Variants in CWC25 observed in about 807,000 individuals in gnomAD.
CWC25 encodes CWC25 spliceosome associated protein.
In CWC25, 31 loss-of-function variants were observed where a neutral mutation model predicts 54.6. The observed-to-expected ratio is 0.57, with a 90% confidence interval of 0.43 to 0.77. CWC25 has a LOEUF of 0.77. Among genes scored for constraint, CWC25 ranks in the 30% least tolerant of loss-of-function variants. CWC25 has a pLI of 0.00. For missense variants in CWC25, 453 were observed against 529.3 expected (o/e 0.86, Z 1.41); for synonymous variants, 151 against 187.0 (o/e 0.81, Z 1.57).
chr17:38,810,256 T>G, intron 5 of CWC25: 1 of 568,948 alleles, frequency 1.8e-6, no homozygotes, highest in East Asian at 3.1e-5. Flanking sequence ...TCCAGCAGCA[T>G]GGCCAAGATA....
intron 5 of CWC25, 34 bp downstream of exon 5, chr17:38,810,434 C>A: frequency 6.7e-7 from 1 of 1,503,348 alleles, no homozygotes; most frequent in Non-Finnish European, 8.9e-7. Context: ...GCAAGTGAAT[C>A]AACGAGAAGG....
intron 2 of CWC25, among the ~76,000 whole-genome samples, chr17:38,817,314 C>T (rs1367538677): frequency 5.4e-5 from 8 of 149,076 alleles, no homozygotes; most frequent in Admixed American, 2.7e-4. Flanking sequence ...TACTCCAACG[C>T]AGGTGACAGT....
Position 38,802,699 on chromosome 17 carries a change from C to A in CWC25, c.1163+1G>T, listed in dbSNP as rs1225867059. ...CCCTGGCAGGAAGAAGATGCACTCA[C>A]TGGATGAACTTCCCATCCCGGGAGT... On this transcript the variant is annotated splice_donor_variant, in intron 9 of 9. Coordinates refer to ENST00000614790, the MANE Select transcript of CWC25 (RefSeq NM_017748.5). LOFTEE classifies it high-confidence loss of function. 1 of 1,613,946 alleles carries A rather than the reference C, an allele frequency of 6.2e-7. No individual in the cohort carries two copies. The highest frequency in any genetic ancestry group is 8.5e-7 in the Non-Finnish European group (1 of 1,179,840).
intron 8 of CWC25, among the ~76,000 whole-genome samples, chr17:38,804,672 G>A (rs1231841823): frequency 6.6e-6 from 1 of 151,764 alleles, no homozygotes; most frequent in African/African-American, 2.4e-5. Flanking sequence ...GCTGGGCATG[G>A]TGGCATGCGC....
chr17:38,819,892 G>A (rs1380497145), intron 2 of CWC25, among the ~76,000 whole-genome samples: 2 of 151,984 alleles, frequency 1.3e-5, no homozygotes, highest in African/African-American at 2.4e-5. Context: ...GGCTGGTCTC[G>A]AACTCCTGAC....
At chr17:38,811,943 T>A (rs1911505663) in intron 4 of CWC25, among the ~76,000 whole-genome samples, 1 of 134,858 alleles carries the variant, frequency 7.4e-6, no homozygotes, top group Non-Finnish European at 1.6e-5. Context: ...AGAAGCCTTA[T>A]TTTTTTTTTT....
chr17:38,814,729 G>C, intron 3 of CWC25, 132 bp downstream of exon 3: 1 of 704,442 alleles, frequency 1.4e-6, no homozygotes, highest in Non-Finnish European at 2.2e-6. Flanking sequence ...CTGGGCGACA[G>C]AGCGAGACTC....
chr17:38,815,997 C>G (rs534880842), intron 2 of CWC25, among the ~76,000 whole-genome samples: 1 of 152,274 alleles, frequency 6.6e-6, no homozygotes, highest in South Asian at 2.1e-4. Flanking sequence ...AGTGAATAAA[C>G]CCTGGTCTCA....
chr17:38,820,907 G>A lies in CWC25; in HGVS notation c.185C>T (p.Ala62Val), dbSNP rs1256627000. 1 of 1,610,538 alleles carries A rather than the reference G, an allele frequency of 6.2e-7. No homozygotes were observed. The highest frequency in any genetic ancestry group is 1.3e-5 in the African/African-American group (1 of 74,718). ...EMQRYAEDVG[A>V]VKKKEEKLDW... is the part of the protein sequence containing the mutation. ...CCCCCAGCTCCTCACTTACTTGACG[G>A]CCCCAACATCCTCCGCATAGCGCTG... Residue 62 changes from alanine to valine, a missense_variant, in exon 2 of 10, where the codon GCC (alanine) becomes GTC (valine). By Grantham distance (64) the Ala-to-Val change is moderately conservative. Coordinates refer to ENST00000614790, the MANE Select transcript of CWC25 (RefSeq NM_017748.5).
intron 1 of CWC25, among the ~76,000 whole-genome samples, chr17:38,821,741 G>C (rs1029668461): frequency 6.6e-6 from 1 of 151,690 alleles, no homozygotes; most frequent in African/African-American, 2.4e-5. Flanking sequence ...TATTTTGAAA[G>C]AGAACAGAAC....
intron 2 of CWC25, among the ~76,000 whole-genome samples, chr17:38,819,070 C>A (rs1335627302): frequency 6.6e-6 from 1 of 152,092 alleles, no homozygotes; most frequent in Non-Finnish European, 1.5e-5. Context: ...GTCACCCAGG[C>A]CGAAGTCAGT....
chr17:38,816,590 G>A (rs1158550803), intron 2 of CWC25, among the ~76,000 whole-genome samples: 1 of 151,820 alleles, frequency 6.6e-6, no homozygotes, highest in Non-Finnish European at 1.5e-5. Flanking sequence ...TGTTTTTGAG[G>A]TTATATAACA....
At chr17:38,809,202 G>A (rs1567671391) in intron 6 of CWC25, among the ~76,000 whole-genome samples, 1 of 151,718 alleles carries the variant, frequency 6.6e-6, no homozygotes, top group East Asian at 1.9e-4. Flanking sequence ...CCGAGGCGGA[G>A]GGATCACCTG....
At chr17:38,824,159 A>G (rs1185014915) in intron 1 of CWC25, among the ~76,000 whole-genome samples, 1 of 152,180 alleles carries the variant, frequency 6.6e-6, no homozygotes, top group Non-Finnish European at 1.5e-5. Flanking sequence ...AATTAGCTCC[A>G]CTTTCCGGAG....
chr17:38,812,875 A>G lies in CWC25; in HGVS notation c.429-11T>C. The G allele has an allele frequency of 3.5e-6, 5 of 1,419,564 alleles. No homozygotes were observed. The highest frequency in any genetic ancestry group is 1.7e-4 in the Middle Eastern group (1 of 5,724). The allele number at this position is 1,419,564 out of a possible 1,614,324, so 87.9% of individuals were successfully genotyped here. ...TCCTCCTCCTTCTTCCTAAAGAGAG[A>G]TAATTACAAAATTCATGACTATTTC... On this transcript the variant is annotated splice_polypyrimidine_tract_variant and intron_variant, in intron 3 of 9. Transcript: ENST00000614790.
intron 4 of CWC25, among the ~76,000 whole-genome samples, chr17:38,812,235 C>A (rs1240744860): frequency 1.3e-4 from 20 of 152,074 alleles, no homozygotes; most frequent in Non-Finnish European, 8.8e-5. Context: ...CCGCGCCCAG[C>A]CCCTAGAAGC....
intron 2 of CWC25, 111 bp downstream of exon 2, chr17:38,820,790 C>T (rs1598078636): frequency 1.6e-6 from 2 of 1,272,116 alleles, no homozygotes; most frequent in South Asian, 1.5e-5. Context: ...GTGAGTCTGG[C>T]ATTACAACCC....
intron 1 of CWC25, among the ~76,000 whole-genome samples, chr17:38,824,718 G>A (rs2143616516): frequency 6.6e-6 from 1 of 152,188 alleles, no homozygotes; most frequent in East Asian, 1.9e-4. Flanking sequence ...CCCAGGGCAT[G>A]GCTTAGGGTA....
rs554143584 is a variant in CWC25, at chr17:38,802,230, G to A, written c.1164-24C>T. 5.3e-6 allele frequency: 8 copies of A among 1,519,542 alleles called. No homozygotes were observed. In the Admixed American group the frequency reaches 6.9e-5, roughly 13 times the overall value. The allele number at this position is 1,519,542 out of a possible 1,614,324, so 94.1% of individuals were successfully genotyped here. A position where few individuals can be genotyped will look rare whatever the true frequency, so the allele number is the denominator to read the frequency against. ...GGCTAGGAAGAGAAGACAGGCAAATGCAAGTCAAAAACATTTTCAATCAGT... is the reference window on the plus strand; with the variant it reads ...GGCTAGGAAGAGAAGACAGGCAAATACAAGTCAAAAACATTTTCAATCAGT... On this transcript the variant is annotated intron_variant, in intron 9 of 9. Transcript: ENST00000614790.
Sources: allele counts gnomAD v4.1 joint callset (sites outside exome capture counted in the v4.1 genomes callset), GRCh38; gene constraint gnomAD v4.1.1; transcripts MANE v1.5; gene names NCBI Gene and HGNC (gene_info 2026-07-23, HGNC 2026-07-21).